Variants in CTNNA3 observed in about 807,000 individuals in gnomAD.
The protein encoded by CTNNA3 is catenin alpha-3.
In CTNNA3, 76 loss-of-function variants were observed where a neutral mutation model predicts 95.7. The observed-to-expected ratio is 0.79, with a 90% CI of 0.66 to 0.96. CTNNA3 has a LOEUF of 0.96. Among genes scored for constraint, CTNNA3 ranks in the 40% least tolerant of loss-of-function variants. The pLI, the probability that CTNNA3 is intolerant of heterozygous loss-of-function variation, is 0.00. For synonymous variants in CTNNA3, 431 were observed against 374.4 expected (o/e 1.15, Z -1.74); for missense variants, 1,191 against 1,089.8 (o/e 1.09, Z -1.31).
intron 5 of CTNNA3, among the ~76,000 whole-genome samples, chr10:67,291,796 G>A (rs1839846952): frequency 6.6e-6 from 1 of 152,180 alleles, no homozygotes; most frequent in African/African-American, 2.4e-5. Context: ...GATAAAAGTT[G>A]TAGAGACCAA....
rs144036991 is a variant in CTNNA3 at position 67,422,221 on chromosome 10, A to G, written c.579+99621T>C. The stretch of plus-strand genomic sequence containing the variant: ...ATATGTGTGGACTCTAAACTAGATA[A>G]TATTATATCAATGTTAAATTTCCTG... On this transcript the variant is annotated intron_variant, in intron 5 of 17. Transcript: ENST00000433211. Among the ~76,000 whole-genome samples the G allele has an allele frequency of 9.2e-5, 14 of 152,256 alleles. No homozygotes were observed. In the East Asian group the frequency reaches 1.4e-3, roughly 15 times the overall value.
chr10:66,203,972 T>TA (rs908640553), intron 13 of CTNNA3, among the ~76,000 whole-genome samples: 1 of 152,082 alleles, frequency 6.6e-6, no homozygotes, highest in African/African-American at 2.4e-5. Context: ...CTTCAGCATC[T>TA]AAAAACCACA....
At chr10:67,224,592 A>G (rs1032581150) in intron 5 of CTNNA3, among the ~76,000 whole-genome samples, 1 of 151,960 alleles carries the variant, frequency 6.6e-6, no homozygotes, top group Non-Finnish European at 1.5e-5. Context: ...TGAATACACA[A>G]CCCCACTGGG....
At chr10:66,109,262 T>C (rs1001036025) in intron 13 of CTNNA3, among the ~76,000 whole-genome samples, 2 of 152,140 alleles carry the variant, frequency 1.3e-5, no homozygotes, top group African/African-American at 4.8e-5. Context: ...TCGGTGAGAC[T>C]CCCTGACATC....
intron 10 of CTNNA3, among the ~76,000 whole-genome samples, chr10:66,607,954 T>C (rs980047391): frequency 6.6e-6 from 1 of 152,080 alleles, no homozygotes; most frequent in African/African-American, 2.4e-5. Flanking sequence ...GCCAGAGCAA[T>C]CAGGGAAGAG....
In CTNNA3 at chr10:66,743,986, A is replaced by AAAAAG. The variant is rs1185534431; in HGVS notation, c.1281+22277_1281+22278insCTTTT. Among the ~76,000 whole-genome samples, 308 of 149,510 alleles carry AAAAAG rather than the reference A, an allele frequency of 2.1e-3. 1 individual carries two copies. Among genetic ancestry groups the AAAAAG allele is most frequent in the African/African-American group, 7.2e-3 (291 of 40,440 alleles). ...TGAGATTCCATCTCAAAAAAAAAAA[A>AAAAAG]AAAAAAAAAAAAAGGAAAGAAGGAG... On this transcript the variant is annotated intron_variant, in intron 9 of 17. Transcript: ENST00000433211.
intron 5 of CTNNA3, among the ~76,000 whole-genome samples, chr10:67,363,633 A>G (rs1455677944): frequency 6.6e-6 from 1 of 152,090 alleles, no homozygotes; most frequent in Non-Finnish European, 1.5e-5. Flanking sequence ...ATATAATAAT[A>G]AAGGGAATAT....
intron 12 of CTNNA3, among the ~76,000 whole-genome samples, chr10:66,298,207 G>A (rs2091810263): frequency 6.6e-6 from 1 of 152,070 alleles, no homozygotes; most frequent in African/African-American, 2.4e-5. Context: ...AGGTTAAAGG[G>A]CAGACACTTG....
chr10:66,981,358 A>C (rs1397730048), intron 7 of CTNNA3, among the ~76,000 whole-genome samples: 2 of 152,200 alleles, frequency 1.3e-5, no homozygotes, highest in Non-Finnish European at 2.9e-5. Context: ...TTAAAACTTC[A>C]TCAGCTCACT....
intron 17 of CTNNA3, among the ~76,000 whole-genome samples, chr10:65,927,858 T>C (rs1448803995): frequency 6.6e-6 from 1 of 152,194 alleles, no homozygotes; most frequent in East Asian, 1.9e-4. Context: ...TCTAACTTCA[T>C]AAGAAATTAA....
intron 13 of CTNNA3, among the ~76,000 whole-genome samples, chr10:66,245,824 G>A (rs896600288): frequency 2.0e-5 from 3 of 152,192 alleles, no homozygotes; most frequent in African/African-American, 7.2e-5. Flanking sequence ...TCAGGTTCTG[G>A]TCATACTGAC....
intron 7 of CTNNA3, among the ~76,000 whole-genome samples, chr10:67,074,977 G>A (rs1361103719): frequency 1.3e-5 from 2 of 152,138 alleles, no homozygotes; most frequent in African/African-American, 4.8e-5. Flanking sequence ...AGCAATATCT[G>A]TGTAATTGAT....
rs553999697 is a variant in CTNNA3 at position 67,659,631 on chromosome 10, G to T, written c.-5-12113C>A. Among the ~76,000 whole-genome samples the T allele has an allele frequency of 5.8e-4, 88 of 152,306 alleles. 1 individual carries two copies. The highest frequency in any genetic ancestry group is 1.7e-3 in the African/African-American group (70 of 41,568). On this transcript the variant is annotated intron_variant, in intron 1 of 17. Coordinates refer to ENST00000433211, the MANE Select transcript of CTNNA3 (RefSeq NM_013266.4). ...ATCTAATATATGAGACAACAGAAAAGCTTTCACTGAATCACCAGAACAAGA... is the reference window on the plus strand; with the variant it reads ...ATCTAATATATGAGACAACAGAAAATCTTTCACTGAATCACCAGAACAAGA...
chr10:67,723,610 TA>T (rs1816864479), intron 1 of CTNNA3, among the ~76,000 whole-genome samples: 1 of 152,170 alleles, frequency 6.6e-6, no homozygotes, highest in South Asian at 2.1e-4. Flanking sequence ...AATTCTTTGA[TA>T]AACAATTTAA....
intron 1 of CTNNA3, among the ~76,000 whole-genome samples, chr10:67,662,777 T>C (rs1589548047): frequency 6.6e-6 from 1 of 152,190 alleles, no homozygotes; most frequent in African/African-American, 2.4e-5. Context: ...ATTGTGGCGG[T>C]GATGGTTCTA....
chr10:67,236,837 T>A (rs1177739856), intron 5 of CTNNA3, among the ~76,000 whole-genome samples: 2 of 151,596 alleles, frequency 1.3e-5, no homozygotes, highest in Non-Finnish European at 2.9e-5. Context: ...ACAGTAGATG[T>A]TGGCATGGAT....
intron 1 of CTNNA3, among the ~76,000 whole-genome samples, chr10:67,653,962 T>C (rs1273274340): frequency 6.6e-6 from 1 of 152,160 alleles, no homozygotes. Context: ...GACTGAACCA[T>C]TCAATGTGCC....
chr10:65,924,923 T>C (rs1000717187), intron 17 of CTNNA3, among the ~76,000 whole-genome samples: 6 of 152,084 alleles, frequency 3.9e-5, no homozygotes, highest in Non-Finnish European at 8.8e-5. Context: ...AACCATCAGA[T>C]CCTGTGAGAC....
intron 11 of CTNNA3, among the ~76,000 whole-genome samples, chr10:66,510,720 C>T (rs988234881): frequency 2.6e-5 from 4 of 151,658 alleles, no homozygotes; most frequent in African/African-American, 9.7e-5. Flanking sequence ...TTGAACTATC[C>T]TTGTATCCTT....
Sources: gnomAD v4.1 joint callset for allele counts (sites outside exome capture counted in the v4.1 genomes callset) on GRCh38, gnomAD v4.1.1 for gene constraint, MANE v1.5 for transcripts, NCBI Gene and HGNC (gene_info 2026-07-23, HGNC 2026-07-21) for gene names.